The following CTNND2 variants were observed in gnomAD, a reference collection of about 807,000 sequenced individuals.
CTNND2 encodes the protein catenin delta-2.
In CTNND2, 22 loss-of-function variants were observed where a neutral mutation model predicts 144.4. That is an observed-to-expected ratio of 0.15 (90% CI 0.11 to 0.22). The LOEUF is 0.22. Ranked by LOEUF, CTNND2 falls within the 10% of genes least tolerant of loss-of-function variation. The pLI, the probability that CTNND2 is intolerant of heterozygous loss-of-function variation, is 1.00. For synonymous variants in CTNND2, 751 were observed against 695.6 expected (o/e 1.08, Z -1.25); for missense variants, 1,353 against 1,618.8 (o/e 0.84, Z 2.82).
chr5:11,036,128 A>T (rs10063750), intron 16 of CTNND2, among the ~76,000 whole-genome samples: 180 of 150,112 alleles, frequency 1.2e-3, no homozygotes, highest in African/African-American at 4.2e-3. Context: ...TATCGTGTTA[A>T]TTTTTTTTTT....
At chr5:11,071,715 G>A (rs62339077) in intron 16 of CTNND2, among the ~76,000 whole-genome samples, 28,734 of 151,962 alleles carry the variant, frequency 0.19, 3,195 homozygotes, top group Non-Finnish European at 0.26. Context: ...GTAAGAAGGG[G>A]CAGAGGGCAG....
At chr5:11,833,888 C>A (rs1794038772) in intron 1 of CTNND2, among the ~76,000 whole-genome samples, 1 of 152,166 alleles carries the variant, frequency 6.6e-6, no homozygotes. Flanking sequence ...TCAAACTTCA[C>A]TGAATGCTAA....
intron 7 of CTNND2, among the ~76,000 whole-genome samples, chr5:11,367,353 C>T (rs978171382): frequency 1.7e-4 from 26 of 152,144 alleles, no homozygotes; most frequent in Admixed American, 9.2e-4. Context: ...TGTGTTCAAC[C>T]GCCCGTGTTC....
chr5:11,621,641 T>C (rs944838878), intron 2 of CTNND2, among the ~76,000 whole-genome samples: 5 of 152,224 alleles, frequency 3.3e-5, no homozygotes, highest in Non-Finnish European at 7.3e-5. Context: ...TAGATGTTTA[T>C]AGATAATATA....
At chr5:11,571,272 A>G (rs931633474) in intron 2 of CTNND2, among the ~76,000 whole-genome samples, 5 of 152,138 alleles carry the variant, frequency 3.3e-5, no homozygotes, top group African/African-American at 1.2e-4. Flanking sequence ...GGGGTGAAAG[A>G]GCTGACACTT....
chr5:11,272,635 G>A (rs1057221390), intron 9 of CTNND2, among the ~76,000 whole-genome samples: 22 of 152,052 alleles, frequency 1.4e-4, no homozygotes, highest in African/African-American at 4.8e-4. Flanking sequence ...GTCCCCAGGT[G>A]GAAAACAAAA....
intron 3 of CTNND2, among the ~76,000 whole-genome samples, chr5:11,505,229 T>C (rs567671474): frequency 6.7e-6 from 1 of 149,756 alleles, no homozygotes; most frequent in African/African-American, 2.5e-5. Context: ...AGTCTCTGTA[T>C]GCAAATTGCT....
Position 11,507,402 on chromosome 5 carries a change from G to A in CTNND2, c.287+57542C>T, listed in dbSNP as rs116671957. Among the ~76,000 whole-genome samples, 714 of 152,180 alleles carry A rather than the reference G, an allele frequency of 4.7e-3. 5 individuals are homozygous for A. Among genetic ancestry groups the A allele is most frequent in the African/African-American group, 0.017 (690 of 41,434 alleles). ...ACTTTGTAGAGATAAGGCTGGGAAT[G>A]CCTTCTGAGAGAAGTAAATGCCCCT... On this transcript the variant is annotated intron_variant, in intron 3 of 21. Coordinates refer to ENST00000304623, the MANE Select transcript of CTNND2 (RefSeq NM_001332.4).
chr5:11,474,890 G>A (rs1767573073), intron 3 of CTNND2, among the ~76,000 whole-genome samples: 2 of 152,088 alleles, frequency 1.3e-5, no homozygotes, highest in South Asian at 2.1e-4. Context: ...CCCGCCCTAT[G>A]TACACCTGCC....
chr5:11,335,975 G>A (rs1162652369), intron 9 of CTNND2, among the ~76,000 whole-genome samples: 3 of 151,922 alleles, frequency 2.0e-5, no homozygotes, highest in Non-Finnish European at 2.9e-5. Context: ...CTGATTGGTT[G>A]CTTTCCACAA....
chr5:11,815,172 A>G (rs1251493241), intron 1 of CTNND2, among the ~76,000 whole-genome samples: 1 of 152,134 alleles, frequency 6.6e-6, no homozygotes, highest in Non-Finnish European at 1.5e-5. Context: ...TTATGTGAAA[A>G]CTGCCATGAA....
At chr5:11,786,885 G>A (rs936415062) in intron 1 of CTNND2, among the ~76,000 whole-genome samples, 2 of 152,142 alleles carry the variant, frequency 1.3e-5, no homozygotes, top group Admixed American at 6.5e-5. Context: ...ACATTTTCCC[G>A]AATAGAGTTG....
At chr5:11,646,325 C>CA (rs1782348648) in intron 2 of CTNND2, among the ~76,000 whole-genome samples, 1 of 152,106 alleles carries the variant, frequency 6.6e-6, no homozygotes, top group Non-Finnish European at 1.5e-5. Context: ...TATAATGAGG[C>CA]AAAAATGAGG....
chr5:11,244,563 G>A (rs1482941350), intron 9 of CTNND2, among the ~76,000 whole-genome samples: 5 of 152,142 alleles, frequency 3.3e-5, no homozygotes. Context: ...GCGATTACAG[G>A]CATGAACCAC....
chr5:11,741,388 G>A (rs1449341244), intron 1 of CTNND2, among the ~76,000 whole-genome samples: 5 of 152,054 alleles, frequency 3.3e-5, no homozygotes, highest in South Asian at 2.1e-4. Flanking sequence ...CCATGCAGCC[G>A]TAAAAAAGGA....
intron 2 of CTNND2, among the ~76,000 whole-genome samples, chr5:11,704,215 A>G (rs1010312728): frequency 6.6e-6 from 1 of 152,238 alleles, no homozygotes; most frequent in African/African-American, 2.4e-5. Context: ...ACCTCGGAGG[A>G]CTACCTGCAA....
intron 21 of CTNND2, 88 bp downstream of exon 21, chr5:10,981,685 G>A: frequency 7.7e-7 from 1 of 1,297,880 alleles, no homozygotes; most frequent in Non-Finnish European, 1.1e-6. Context: ...CTTTATGTAT[G>A]TTGGATGAAA....
intron 3 of CTNND2, among the ~76,000 whole-genome samples, chr5:11,456,490 C>A (rs1380523783): frequency 6.6e-6 from 1 of 152,092 alleles, no homozygotes; most frequent in Admixed American, 6.5e-5. Context: ...CAGAGAACTA[C>A]GTCACGTGAG....
At chr5:11,582,943 A>G (rs1342907732) in intron 2 of CTNND2, among the ~76,000 whole-genome samples, 1 of 152,220 alleles carries the variant, frequency 6.6e-6, no homozygotes, top group Non-Finnish European at 1.5e-5. Context: ...CCTATTTCAT[A>G]CCTGGTTAAA....
Sources: gnomAD v4.1 joint callset for allele counts (sites outside exome capture counted in the v4.1 genomes callset) on GRCh38, gnomAD v4.1.1 for gene constraint, MANE v1.5 for transcripts, NCBI Gene and HGNC (gene_info 2026-07-23, HGNC 2026-07-21) for gene names.